Variants in ECPAS observed in about 807,000 individuals in gnomAD.
ECPAS encodes the protein Ecm29 proteasome adaptor and scaffold, also known as proteasome adapter and scaffold protein ECM29.
A neutral mutation model predicts 255.1 loss-of-function variants in ECPAS; 70 were observed. That is an observed-to-expected ratio of 0.27 (90% CI 0.23 to 0.33). The LOEUF is 0.33. Ranked by LOEUF, ECPAS falls within the 10% of genes least tolerant of loss-of-function variation. The probability of loss-of-function intolerance (pLI) is 1.00; values close to 1 mark genes in which losing one functional copy is unlikely to be tolerated. For missense variants in ECPAS, 1,817 were observed against 2,206.4 expected (o/e 0.82, Z 3.54); for synonymous variants, 784 against 775.0 (o/e 1.01, Z -0.19).
At chr9:111,480,744 C>G (rs975330717) in intron 1 of ECPAS, among the ~76,000 whole-genome samples, 1 of 152,198 alleles carries the variant, frequency 6.6e-6, no homozygotes, top group African/African-American at 2.4e-5. Context: ...TTCAGTCTCT[C>G]CTGAAGAAAT....
chr9:111,404,325 T>A (rs984908096), intron 24 of ECPAS, among the ~76,000 whole-genome samples: 16 of 149,776 alleles, frequency 1.1e-4, no homozygotes, highest in African/African-American at 3.8e-4. Context: ...AATGAAAAAC[T>A]GGGTTCTTTA....
chr9:111,440,577 G>T, intron 5 of ECPAS, 56 bp from the exon 6 acceptor site: 1 of 1,361,030 alleles, frequency 7.3e-7, no homozygotes, highest in Non-Finnish European at 9.9e-7. Flanking sequence ...TTTTATACAT[G>T]CAAAACACAG....
intron 2 of ECPAS, among the ~76,000 whole-genome samples, chr9:111,457,781 C>T (rs1257885916): frequency 6.6e-6 from 1 of 152,162 alleles, no homozygotes; most frequent in Non-Finnish European, 1.5e-5. Context: ...TTTACAGCAG[C>T]ATTAATCCAC....
chr9:111,478,365 A>G (rs2098299234), intron 1 of ECPAS, among the ~76,000 whole-genome samples: 1 of 151,882 alleles, frequency 6.6e-6, no homozygotes. Context: ...CGTCTCTACT[A>G]AAAATACAAA....
At chr9:111,383,454 G>C in intron 34 of ECPAS, 122 bp from the exon 35 acceptor site, 1 of 1,278,790 alleles carries the variant, frequency 7.8e-7, no homozygotes, top group South Asian at 1.5e-5. Context: ...TACTTTCTCT[G>C]ACACTACAGA....
Position 111,373,254 on chromosome 9 carries a change from C to T in ECPAS, c.4270-18G>A, listed in dbSNP as rs1262957953. On this transcript the variant is annotated intron_variant, in intron 40 of 49. Coordinates refer to ENST00000684092, the MANE Select transcript of ECPAS (RefSeq NM_001364929.1). ...CGTGAGGTCTGAAAAAGAAACAATCCTAAGTATTTCTTTATAACTGTCAAA... is the reference window on the plus strand; with the variant it reads ...CGTGAGGTCTGAAAAAGAAACAATCTTAAGTATTTCTTTATAACTGTCAAA... 2 of 1,613,234 alleles carry T rather than the reference C, an allele frequency of 1.2e-6. No homozygotes were observed. Among genetic ancestry groups the T allele is most frequent in the Non-Finnish European group, 1.7e-6 (2 of 1,179,402 alleles).
chr9:111,375,065 C>T (rs764541006), intron 38 of ECPAS, 48 bp downstream of exon 38: 3 of 1,363,110 alleles, frequency 2.2e-6, no homozygotes, highest in Admixed American at 1.7e-5. Context: ...ATCCTTATGG[C>T]CAGAACTAAT....
chr9:111,391,303 C>A (rs1160382189), intron 29 of ECPAS, among the ~76,000 whole-genome samples: 1 of 152,208 alleles, frequency 6.6e-6, no homozygotes, highest in African/African-American at 2.4e-5. Context: ...GCCTGCCAGG[C>A]ACAGTGGCTC....
At position 111,420,138 on chromosome 9, in the gene ECPAS, A is replaced by G. The variant is rs771316309; in HGVS notation, c.1456-18T>C. On this transcript the variant is annotated intron_variant, in intron 15 of 49. Transcript: ENST00000684092. ...ACTTCAGGCTATTTCATGTGTAAACATACACAGACCACCCCGATCCGAAAA... is the reference window on the plus strand; with the variant it reads ...ACTTCAGGCTATTTCATGTGTAAACGTACACAGACCACCCCGATCCGAAAA... 6 of 1,553,372 alleles carry G rather than the reference A, an allele frequency of 3.9e-6. No individual in the cohort carries two copies. Among genetic ancestry groups the G allele is most frequent in the East Asian group, 2.3e-5 (1 of 44,358 alleles).
At chr9:111,411,930 T>A in intron 21 of ECPAS, 84 bp downstream of exon 21, 1 of 1,228,590 alleles carries the variant, frequency 8.1e-7, no homozygotes, top group Admixed American at 3.5e-5. Context: ...ATTTTACAAA[T>A]GAGAACATAA....
chr9:111,446,829 C>A (rs1270989015), intron 3 of ECPAS, among the ~76,000 whole-genome samples: 1 of 152,150 alleles, frequency 6.6e-6, no homozygotes. Flanking sequence ...TTTTCAAACA[C>A]TGATATTTGA....
Position 111,428,145 on chromosome 9 carries a change from G to A in ECPAS, c.947C>T (p.Pro316Leu), listed in dbSNP as rs773830822. 1.9e-6 allele frequency: 3 copies of A among 1,611,938 alleles called. No homozygotes were observed. Among genetic ancestry groups the A allele is most frequent in the Non-Finnish European group, 2.5e-6 (3 of 1,178,906 alleles). Residue 316 changes from proline (P) to leucine (L), a missense_variant, in exon 10 of 50, where the codon CCA becomes CTA. Pro to Leu is a moderately conservative substitution (Grantham distance 98). This residue lies in a region of ECPAS where 573 missense variants were observed against 716.2 expected (regional missense o/e 0.80). Transcript: ENST00000684092. ...LKTKEGAVLK[P>L]ELKRDPVSTR... Reference sequence around the variant, plus strand: ...ACTGACAGGGTCCCTTTTCAACTCTGGCTTCAGAACTGCACCCTGTTGAAA... The same window carrying A: ...ACTGACAGGGTCCCTTTTCAACTCTAGCTTCAGAACTGCACCCTGTTGAAA...
rs757941454 is a variant in ECPAS at position 111,410,190 on chromosome 9, G to A, written c.2401C>T (p.Pro801Ser). The A allele has an allele frequency of 1.2e-5, 20 of 1,612,092 alleles. 1 individual carries two copies. In the African/African-American group the frequency reaches 2.5e-4, roughly 20 times the overall value. ...TIGSFLDSTS[P>S]LLAIAACTAL... is the part of the protein sequence containing the mutation. ...GTGCAGGCAGCAATTGCCAGGAGGG[G>A]TGATGTACTGTCCAAAAATGAGCCT... Residue 801 changes from proline (P) to serine (S), a missense_variant, in exon 23 of 50, where the codon CCC becomes TCC. By Grantham distance (74) the Pro-to-Ser change is moderately conservative (BLOSUM62 -1). This residue lies in a region of ECPAS where 194 missense variants were observed against 152.8 expected (regional missense o/e 1.27). Transcript: ENST00000684092.
chr9:111,413,385 A>C, intron 20 of ECPAS, among the ~76,000 whole-genome samples: 1 of 152,200 alleles, frequency 6.6e-6, no homozygotes, highest in Non-Finnish European at 1.5e-5. Flanking sequence ...AGAATGTATA[A>C]AACAGTATGA....
chr9:111,377,554 G>C (rs1345971317), intron 36 of ECPAS, among the ~76,000 whole-genome samples: 4 of 152,064 alleles, frequency 2.6e-5, no homozygotes, highest in East Asian at 1.9e-4. Flanking sequence ...CCTCACTGTA[G>C]AACACTATAC....
chr9:111,397,177 A>G (rs1475698702), intron 24 of ECPAS, 24 bp from the exon 25 acceptor site: 1 of 1,611,268 alleles, frequency 6.2e-7, no homozygotes, highest in East Asian at 2.2e-5. Flanking sequence ...AGTAAAAACC[A>G]TGAATGAGAA....
intron 24 of ECPAS, among the ~76,000 whole-genome samples, chr9:111,398,235 T>C (rs1377328442): frequency 6.6e-6 from 1 of 152,214 alleles, no homozygotes; most frequent in Non-Finnish European, 1.5e-5. Flanking sequence ...TTAAAGGCTT[T>C]AGTCCTACAG....
At chr9:111,386,299 A>G in intron 32 of ECPAS, 78 bp downstream of exon 32, 1 of 940,256 alleles carries the variant, frequency 1.1e-6, no homozygotes, top group Non-Finnish European at 1.7e-6. Flanking sequence ...CCTTTTGCAC[A>G]AAGTATAAAA....
Position 111,376,416 on chromosome 9 carries a change from T to G in ECPAS, c.4020+60A>C, listed in dbSNP as rs1490833164. On this transcript the variant is annotated intron_variant, in intron 37 of 49. Transcript: ENST00000684092. The stretch of plus-strand genomic sequence containing the variant: ...TTCATTTAACATAGCCTGAAGACTT[T>G]GAAGAATTACACTTTCAGGTAAGCA... 4 of 1,358,372 alleles carry G rather than the reference T, an allele frequency of 2.9e-6. No homozygotes were observed. The African/African-American group carries it at 5.8e-5, about 20-fold the overall frequency. The allele number at this position is 1,358,372 out of a possible 1,614,324, so 84.1% of individuals were successfully genotyped here.
Sources: allele counts gnomAD v4.1 joint callset (sites outside exome capture counted in the v4.1 genomes callset), GRCh38; gene constraint gnomAD v4.1.1; regional missense constraint gnomAD v4.1.1; transcripts MANE v1.5; gene names NCBI Gene and HGNC (gene_info 2026-07-23, HGNC 2026-07-21).